Variants in FSHR observed in about 807,000 individuals in gnomAD.
FSHR encodes follicle-stimulating hormone receptor.
A neutral mutation model predicts 52.1 loss-of-function variants in FSHR; 46 were observed. That is an observed-to-expected ratio of 0.88 (90% CI 0.70 to 1.13). The LOEUF (loss-of-function observed/expected upper bound fraction) is 1.13. Among genes scored for constraint, FSHR ranks in the 50% most tolerant of loss-of-function variants. The pLI is 0.00. For missense variants in FSHR, 964 were observed against 834.6 expected, an observed-to-expected ratio of 1.16 and a Z score of -1.91; for synonymous variants, 399 against 309.6, an observed-to-expected ratio of 1.29 and a Z score of -3.03.
chr2:48,963,061 G>A lies in FSHR; in HGVS notation c.1760C>T (p.Pro587Leu). 1 of 1,614,040 alleles carries A rather than the reference G, an allele frequency of 6.2e-7. No individual in the cohort carries two copies. Among genetic ancestry groups the A allele is most frequent in the East Asian group, 2.2e-5 (1 of 44,862 alleles). Residue 587 changes from proline to leucine, a missense_variant, in exon 10 of 10, where the codon CCC becomes CTC. By Grantham distance (98) the Pro-to-Leu change is moderately conservative (BLOSUM62 -3). Transcript: ENST00000406846. ...GGCAGAAATGGCAAAGAAAGAAATGGGTGCCATGCAGAGGAAGTCAGTGAA... is the reference window on the plus strand; with the variant it reads ...GGCAGAAATGGCAAAGAAAGAAATGAGTGCCATGCAGAGGAAGTCAGTGAA... ...LIFTDFLCMA[P>L]ISFFAISASL...
At chr2:48,980,699 A>G (rs1675207489) in intron 8 of FSHR, among the ~76,000 whole-genome samples, 1 of 152,222 alleles carries the variant, frequency 6.6e-6, no homozygotes, top group African/African-American at 2.4e-5. Flanking sequence ...ATTTATGGCA[A>G]CATGGTATGG....
intron 2 of FSHR, among the ~76,000 whole-genome samples, chr2:49,021,726 A>G (rs1412911704): frequency 6.6e-6 from 1 of 151,304 alleles, no homozygotes; most frequent in Non-Finnish European, 1.5e-5. Flanking sequence ...ACATTATGTG[A>G]GAAGAGCTCC....
At chr2:49,112,488 G>A (rs1360190007) in intron 1 of FSHR, among the ~76,000 whole-genome samples, 2 of 152,116 alleles carry the variant, frequency 1.3e-5, no homozygotes, top group South Asian at 2.1e-4. Context: ...TAGGTACATT[G>A]GGGTTATTAT....
chr2:49,013,820 G>A (rs953748454), intron 4 of FSHR, among the ~76,000 whole-genome samples: 24 of 151,986 alleles, frequency 1.6e-4, no homozygotes, highest in African/African-American at 5.8e-4. Flanking sequence ...CCCTCAATGT[G>A]ATGATATTTA....
At chr2:48,977,670 C>T (rs902670367) in intron 8 of FSHR, among the ~76,000 whole-genome samples, 1 of 152,196 alleles carries the variant, frequency 6.6e-6, no homozygotes, top group African/African-American at 2.4e-5. Flanking sequence ...TGGGGAGTAA[C>T]ATTCATCCCT....
chr2:49,146,812 T>C (rs1572809584), intron 1 of FSHR, among the ~76,000 whole-genome samples: 1 of 152,206 alleles, frequency 6.6e-6, no homozygotes, highest in South Asian at 2.1e-4. Context: ...ATCTTTCTGT[T>C]GCATCGAAAC....
rs183454301 is a variant in FSHR at position 49,111,747 on chromosome 2, G to T, written c.152+42519C>A. Among the ~76,000 whole-genome samples, 5 of 152,182 alleles carry T rather than the reference G, an allele frequency of 3.3e-5. No individual in the cohort carries two copies. The East Asian group carries it at 5.8e-4, about 18-fold the overall frequency. ...TTATGAGTTTTCACAGAAGGCTCTGGGAACCATAATGGCTTAGTTGGCAGG... is the reference window on the plus strand; with the variant it reads ...TTATGAGTTTTCACAGAAGGCTCTGTGAACCATAATGGCTTAGTTGGCAGG... On this transcript the variant is annotated intron_variant, in intron 1 of 9. Coordinates refer to ENST00000406846, the MANE Select transcript of FSHR (RefSeq NM_000145.4).
chr2:49,002,815 G>T (rs1220633735), intron 4 of FSHR, among the ~76,000 whole-genome samples: 4 of 152,142 alleles, frequency 2.6e-5, no homozygotes, highest in Non-Finnish European at 1.5e-5. Flanking sequence ...GGCAGGGCCA[G>T]GGCTGGAACC....
chr2:49,043,000 T>C (rs905197813), intron 2 of FSHR, among the ~76,000 whole-genome samples: 9 of 152,136 alleles, frequency 5.9e-5, no homozygotes, highest in African/African-American at 1.9e-4. Context: ...GGAAGAAGCA[T>C]ACCAGGACCA....
intron 9 of FSHR, among the ~76,000 whole-genome samples, chr2:48,966,470 T>C (rs1236106099): frequency 6.6e-6 from 1 of 152,204 alleles, no homozygotes; most frequent in South Asian, 2.1e-4. Flanking sequence ...AAGACTGTAG[T>C]TGATACGAAC....
chr2:49,134,972 G>A (rs978755563), intron 1 of FSHR, among the ~76,000 whole-genome samples: 3 of 152,228 alleles, frequency 2.0e-5, no homozygotes, highest in African/African-American at 7.2e-5. Context: ...GCTAGATGAC[G>A]AGTTAGTGGG....
chr2:48,978,449 A>G (rs1675090472), intron 8 of FSHR, among the ~76,000 whole-genome samples: 1 of 152,266 alleles, frequency 6.6e-6, no homozygotes, highest in South Asian at 2.1e-4. Flanking sequence ...ATTCTTATAC[A>G]AATAACTCAG....
At chr2:48,968,553 G>C in intron 9 of FSHR, 145 bp downstream of exon 9, 1 of 942,816 alleles carries the variant, frequency 1.1e-6, no homozygotes. Flanking sequence ...TCCATGAACT[G>C]AATTTTTGAC....
chr2:48,974,305 A>G (rs1015136634), intron 8 of FSHR, among the ~76,000 whole-genome samples: 4 of 152,198 alleles, frequency 2.6e-5, no homozygotes, highest in Admixed American at 6.5e-5. Context: ...TCCAGTGTTT[A>G]GGTGTTAGAT....
chr2:49,103,630 T>C (rs2103731797), intron 1 of FSHR, among the ~76,000 whole-genome samples: 1 of 152,206 alleles, frequency 6.6e-6, no homozygotes, highest in African/African-American at 2.4e-5. Flanking sequence ...GGCTGGCTCA[T>C]TGGTACAGTG....
intron 1 of FSHR, among the ~76,000 whole-genome samples, chr2:49,100,712 G>A (rs1466129475): frequency 1.3e-5 from 2 of 152,194 alleles, no homozygotes; most frequent in African/African-American, 4.8e-5. Context: ...GTCTACAGCC[G>A]GGCCTTTTGT....
At chr2:49,048,357 C>A (rs1385069000) in intron 2 of FSHR, among the ~76,000 whole-genome samples, 1 of 152,036 alleles carries the variant, frequency 6.6e-6, no homozygotes, top group Non-Finnish European at 1.5e-5. Flanking sequence ...GTAGAGACTG[C>A]AAATTAATAA....
At chr2:49,107,170 C>T (rs531529684) in intron 1 of FSHR, among the ~76,000 whole-genome samples, 1 of 152,260 alleles carries the variant, frequency 6.6e-6, no homozygotes, top group East Asian at 1.9e-4. Flanking sequence ...TTCTGATCAC[C>T]TTAAGCTACT....
intron 9 of FSHR, among the ~76,000 whole-genome samples, chr2:48,968,493 C>T (rs1047738911): frequency 6.6e-6 from 1 of 152,258 alleles, no homozygotes; most frequent in Non-Finnish European, 1.5e-5. Context: ...GTAGCCCTCT[C>T]CTGTGAGCCC....
Sources: gnomAD v4.1 joint callset for allele counts (sites outside exome capture counted in the v4.1 genomes callset) on GRCh38, gnomAD v4.1.1 for gene constraint, MANE v1.5 for transcripts, NCBI Gene and HGNC (gene_info 2026-07-23, HGNC 2026-07-21) for gene names.